Variants in PTK7 observed in about 807,000 individuals in gnomAD.
The protein encoded by PTK7 is inactive tyrosine-protein kinase 7.
In PTK7, 39 loss-of-function variants were observed where a neutral mutation model predicts 116.6. The ratio of observed to expected loss-of-function variants is 0.33; its 90% CI spans 0.26 to 0.44. The LOEUF (loss-of-function observed/expected upper bound fraction) is 0.44, where lower values mean the gene tolerates loss of function less well. Ranked by LOEUF, PTK7 falls within the 20% of genes least tolerant of loss-of-function variation. The pLI is 1.00. For synonymous variants in PTK7, 546 were observed against 563.6 expected, an observed-to-expected ratio of 0.97 and a Z score of 0.44; for missense variants, 1,169 against 1,425.6, an observed-to-expected ratio of 0.82 and a Z score of 2.90.
rs2150452528 is a variant in PTK7, at chr6:43,143,204, C to T, written c.2048-213C>T. 1.9e-6 allele frequency: 1 copy of T among 523,942 alleles called. No individual in the cohort carries two copies. 32.5% of individuals were successfully genotyped at this position (523,942 alleles called of 1,614,324 possible). On this transcript the variant is annotated intron_variant, in intron 13 of 19. Transcript: ENST00000230419. The surrounding 1 kb of genome is among the most constrained non-coding windows in gnomAD (Gnocchi z 4.2). ...GTCTTGGCTTCCGATGCAAAGCCAG[C>T]TTGGGAACCCCTGGCCTCATCTCCT...
rs548670504 is a variant in PTK7 at position 43,129,987 on chromosome 6, A to G, written c.470+158A>G. 3.3e-5 allele frequency among the ~76,000 whole-genome samples: 5 copies of G among 152,278 alleles called. No homozygotes were observed. Among genetic ancestry groups the G allele is most frequent in the South Asian group, 2.1e-4 (1 of 4,832 alleles). ...CCTGCCCTCCCCCAGATATTGCCCT[A>G]TGCCGGCCCCTGGTGGCCTGAAGAG... On this transcript the variant is annotated intron_variant, in intron 3 of 19. Coordinates refer to ENST00000230419, the MANE Select transcript of PTK7 (RefSeq NM_002821.5). The surrounding 1 kb of genome is among the most constrained non-coding windows in gnomAD (Gnocchi z 4.5).
At position 43,141,021 on chromosome 6, in the gene PTK7, T is replaced by C. The variant is rs1770368611; in HGVS notation, c.1619-647T>C. ...CTTAAATGTTGGAGATTTGGGTTGTTAACCAGCCACCCACCCACCCCCTTT... is the reference window on the plus strand; with the variant it reads ...CTTAAATGTTGGAGATTTGGGTTGTCAACCAGCCACCCACCCACCCCCTTT... On this transcript the variant is annotated intron_variant, in intron 10 of 19. Transcript: ENST00000230419. The surrounding 1 kb of genome is among the most constrained non-coding windows in gnomAD (Gnocchi z 4.9). Among the ~76,000 whole-genome samples the C allele has an allele frequency of 6.6e-6, 1 of 152,148 alleles. No homozygotes were observed. The highest frequency in any genetic ancestry group is 1.5e-5 in the Non-Finnish European group (1 of 68,028).
chr6:43,137,933 A>T (rs1167041608), intron 7 of PTK7, among the ~76,000 whole-genome samples: 1 of 152,062 alleles, frequency 6.6e-6, no homozygotes, highest in African/African-American at 2.4e-5. Flanking sequence ...CAGCCTCCCC[A>T]GTAGCTGGGA....
At chr6:43,136,013 C>G (rs1208607050) in intron 7 of PTK7, among the ~76,000 whole-genome samples, 1 of 152,194 alleles carries the variant, frequency 6.6e-6, no homozygotes, top group Non-Finnish European at 1.5e-5. Flanking sequence ...CGTGCTGAAA[C>G]CCCGTCTCTA....
chr6:43,153,657 C>A (rs1771258038), intron 17 of PTK7, among the ~76,000 whole-genome samples: 1 of 152,160 alleles, frequency 6.6e-6, no homozygotes, highest in Admixed American at 6.5e-5. Context: ...GCAATCCTCC[C>A]ACATCAGCTT....
intron 1 of PTK7, among the ~76,000 whole-genome samples, chr6:43,082,248 T>C (rs942661756): frequency 1.3e-5 from 2 of 152,160 alleles, no homozygotes; most frequent in African/African-American, 4.8e-5. Flanking sequence ...CGATCTTGGC[T>C]CACTGCAACC....
chr6:43,090,765 T>C (rs1222026596), intron 1 of PTK7, among the ~76,000 whole-genome samples: 1 of 152,210 alleles, frequency 6.6e-6, no homozygotes, highest in Non-Finnish European at 1.5e-5. Context: ...GAATCCTTCC[T>C]TCTTCTACTC....
At chr6:43,113,075 C>T (rs1053771856) in intron 1 of PTK7, among the ~76,000 whole-genome samples, 11 of 152,280 alleles carry the variant, frequency 7.2e-5, no homozygotes, top group African/African-American at 2.6e-4. Context: ...CCATCTCAGC[C>T]TCCCAAAGTG....
At chr6:43,147,341 C>T (rs1003242316) in intron 17 of PTK7, among the ~76,000 whole-genome samples, 1 of 152,218 alleles carries the variant, frequency 6.6e-6, no homozygotes, top group Non-Finnish European at 1.5e-5. Flanking sequence ...TTGCCTGCTA[C>T]CCCCTGCCAC....
chr6:43,080,954 T>TACACACACAC (rs59525398), intron 1 of PTK7, among the ~76,000 whole-genome samples: 137 of 148,330 alleles, frequency 9.2e-4, no homozygotes, highest in African/African-American at 3.2e-3. Flanking sequence ...AAAAAAAAAA[T>TACACACACAC]ACACACACAC....
chr6:43,159,635 C>G (rs1417794403), intron 18 of PTK7, 153 bp from the exon 19 acceptor site: 1 of 729,712 alleles, frequency 1.4e-6, no homozygotes, highest in Non-Finnish European at 2.4e-6. Context: ...AGTGTACTCC[C>G]ATGCTCAGCA....
intron 1 of PTK7, among the ~76,000 whole-genome samples, chr6:43,108,390 C>T (rs986404387): frequency 1.3e-5 from 2 of 151,278 alleles, no homozygotes; most frequent in African/African-American, 2.4e-5. Flanking sequence ...CCACCGCGCC[C>T]GGCCAACCTT....
intron 1 of PTK7, among the ~76,000 whole-genome samples, chr6:43,101,022 C>G (rs1447871905): frequency 7.1e-6 from 1 of 141,618 alleles, no homozygotes; most frequent in African/African-American, 2.6e-5. Context: ...CACTTGAGGT[C>G]CAGAGTTCGA....
intron 1 of PTK7, among the ~76,000 whole-genome samples, chr6:43,097,012 C>G (rs1767303079): frequency 1.8e-5 from 1 of 56,846 alleles, no homozygotes; most frequent in Non-Finnish European, 3.5e-5. Context: ...TTTTGACTGC[C>G]TTGGGCATAG....
chr6:43,130,662 G>T lies in PTK7; in HGVS notation c.812+1G>T. ...AGACTCCCATCACTAACCGCAGTCGGTAAGGCATCTGGCTGGGAGCATTCC... is the reference window on the plus strand; with the variant it reads ...AGACTCCCATCACTAACCGCAGTCGTTAAGGCATCTGGCTGGGAGCATTCC... On this transcript the variant is annotated splice_donor_variant, in intron 5 of 19. Transcript: ENST00000230419. LOFTEE classifies it high-confidence loss of function. 6.2e-7 allele frequency: 1 copy of T among 1,614,166 alleles called. No homozygotes were observed. Among genetic ancestry groups the T allele is most frequent in the Non-Finnish European group, 8.5e-7 (1 of 1,180,004 alleles).
rs138087015 is a variant in PTK7 at position 43,130,263 on chromosome 6, C to T, written c.504C>T (p.Pro168=). Residue 168 remains proline, a synonymous_variant, in exon 4 of 20, where the codon CCC becomes CCT. Transcript: ENST00000230419. ...PTYQWFRDGT[P]LSDGQSNHTV... ...ACCAATGGTTCCGAGATGGGACCCC[C>T]CTTTCTGATGGTCAGAGCAACCACA... 2 of 1,600,808 alleles carry T rather than the reference C, an allele frequency of 1.2e-6. No individual in the cohort carries two copies. Among genetic ancestry groups the T allele is most frequent in the Admixed American group, 1.7e-5 (1 of 59,086 alleles).
chr6:43,159,930 C>T lies in PTK7; in HGVS notation c.3016C>T (p.Pro1006Ser). ...GGAAGTGTTTACACATGGAGAGATG[C>T]CCCATGGTGGGCAGGCAGATGATGA... ...MWEVFTHGEM[P>S]HGGQADDEVL... Residue 1006 changes from proline (P) to serine (S), a missense_variant, in exon 19 of 20, where the codon CCC becomes TCC. Transcript: ENST00000230419. 6.2e-7 allele frequency: 1 copy of T among 1,614,112 alleles called. No individual in the cohort carries two copies. The highest frequency in any genetic ancestry group is 8.5e-7 in the Non-Finnish European group (1 of 1,179,974).
At chr6:43,117,399 C>T (rs921574267) in intron 1 of PTK7, among the ~76,000 whole-genome samples, 1 of 152,130 alleles carries the variant, frequency 6.6e-6, no homozygotes, top group Non-Finnish European at 1.5e-5. Context: ...AACAAAAGGA[C>T]TCATGTGAAA....
chr6:43,080,213 G>A (rs1181228557), intron 1 of PTK7, among the ~76,000 whole-genome samples: 3 of 151,800 alleles, frequency 2.0e-5, no homozygotes, highest in Non-Finnish European at 4.4e-5. Context: ...TTAGCCAGGC[G>A]TGGTGGCAGG....
Sources: gnomAD v4.1 joint callset for allele counts (sites outside exome capture counted in the v4.1 genomes callset) on GRCh38, gnomAD v4.1.1 for gene constraint, Gnocchi (gnomAD v3.1) non-coding constraint, MANE v1.5 for transcripts, NCBI Gene and HGNC (gene_info 2026-07-23, HGNC 2026-07-21) for gene names.